Variants in AKAP10 observed in about 807,000 individuals in gnomAD.
The protein encoded by AKAP10 is A-kinase anchor protein 10, mitochondrial.
AKAP10 carries 24 observed loss-of-function variants against 80.8 expected under a neutral mutation model. That is an observed-to-expected ratio of 0.30 (90% CI 0.22 to 0.42). The LOEUF (loss-of-function observed/expected upper bound fraction) is 0.42, where lower values mean the gene tolerates loss of function less well. Ranked by LOEUF, AKAP10 falls within the 10% of genes least tolerant of loss-of-function variation. The probability of loss-of-function intolerance (pLI) is 1.00; values close to 1 mark genes in which losing one functional copy is unlikely to be tolerated. For missense variants in AKAP10, 661 were observed against 794.9 expected, an observed-to-expected ratio of 0.83 and a Z score of 2.03; for synonymous variants, 291 against 277.7, an observed-to-expected ratio of 1.05 and a Z score of -0.48.
intron 3 of AKAP10, among the ~76,000 whole-genome samples, chr17:19,962,398 T>G (rs1400631383): frequency 6.6e-6 from 1 of 152,114 alleles, no homozygotes; most frequent in Non-Finnish European, 1.5e-5. Context: ...GACATGCATA[T>G]TTTATACTGA....
intron 14 of AKAP10, among the ~76,000 whole-genome samples, chr17:19,907,016 T>C (rs1295911486): frequency 6.9e-6 from 1 of 144,094 alleles, no homozygotes; most frequent in Non-Finnish European, 1.5e-5. Flanking sequence ...AGTCTACTGT[T>C]TTTTTTTGTT....
At chr17:19,907,410 C>CTTTTTTTTTTTTTTTTTTTTTTT (rs59027197) in intron 14 of AKAP10, among the ~76,000 whole-genome samples, 3 of 136,412 alleles carry the variant, frequency 2.2e-5, no homozygotes, top group African/African-American at 2.7e-5. Flanking sequence ...TTTTCTTTAA[C>CTTTTTTTTTTTTTTTTTTTTTTT]TTTTTTTTTT....
At chr17:19,936,223 A>G (rs1249790987) in intron 9 of AKAP10, 63 bp downstream of exon 9, 4 of 1,540,400 alleles carry the variant, frequency 2.6e-6, no homozygotes, top group Admixed American at 3.9e-5. Context: ...TTCCCACCTT[A>G]TATTTTATGA....
intron 11 of AKAP10, among the ~76,000 whole-genome samples, chr17:19,920,959 C>CT (rs57112968): frequency 1.8e-3 from 245 of 133,296 alleles, no homozygotes; most frequent in East Asian, 2.7e-3. Context: ...CATAGAGAAT[C>CT]TTTTTTTTTT....
intron 4 of AKAP10, among the ~76,000 whole-genome samples, chr17:19,954,040 A>G (rs1597517996): frequency 6.6e-6 from 1 of 152,164 alleles, no homozygotes; most frequent in Non-Finnish European, 1.5e-5. Flanking sequence ...CTCACACACA[A>G]AAAACAAAAC....
intron 4 of AKAP10, among the ~76,000 whole-genome samples, chr17:19,951,023 C>T (rs1445891303): frequency 6.6e-6 from 1 of 151,088 alleles, no homozygotes; most frequent in Admixed American, 6.6e-5. Flanking sequence ...AGGTGAGGAG[C>T]GTCTCTGCCC....
chr17:19,909,334 A>G (rs1439305231), intron 13 of AKAP10, 58 bp from the exon 14 acceptor site: 1 of 1,423,376 alleles, frequency 7.0e-7, no homozygotes, highest in Non-Finnish European at 9.8e-7. Context: ...ATCGAGATGC[A>G]CATACTCAGT....
intron 10 of AKAP10, among the ~76,000 whole-genome samples, chr17:19,925,811 A>G (rs76731851): frequency 0.048 from 7,274 of 152,260 alleles, 234 homozygotes; most frequent in Non-Finnish European, 0.073. Context: ...TAAAGAGGGA[A>G]TATTTCCCAA....
chr17:19,973,480 T>A (rs995950784), intron 1 of AKAP10, among the ~76,000 whole-genome samples: 1 of 152,240 alleles, frequency 6.6e-6, no homozygotes, highest in Non-Finnish European at 1.5e-5. Flanking sequence ...AGATGATGGA[T>A]AACTAGCATC....
intron 14 of AKAP10, 31 bp downstream of exon 14, chr17:19,909,150 T>A: frequency 6.4e-7 from 1 of 1,553,552 alleles, no homozygotes; most frequent in Non-Finnish European, 8.7e-7. Context: ...AATAATACTT[T>A]TTAGTTTACA....
intron 4 of AKAP10, among the ~76,000 whole-genome samples, chr17:19,951,736 T>C (rs2043216688): frequency 6.6e-6 from 1 of 151,964 alleles, no homozygotes; most frequent in African/African-American, 2.4e-5. Flanking sequence ...TAATCTCAAG[T>C]ACCCAGGGAC....
At chr17:19,910,342 A>G (rs964268307) in intron 12 of AKAP10, among the ~76,000 whole-genome samples, 1 of 149,660 alleles carries the variant, frequency 6.7e-6, no homozygotes, top group Non-Finnish European at 1.5e-5. Context: ...AAAAAAAAAA[A>G]CCACTATCAC....
chr17:19,916,972 C>A (rs115350847), intron 12 of AKAP10, among the ~76,000 whole-genome samples: 21 of 98,606 alleles, frequency 2.1e-4, no homozygotes, highest in African/African-American at 7.6e-4. Context: ...ATAACAACAA[C>A]AAAAAAACCA....
In AKAP10 at chr17:19,906,105, G is replaced by C; in HGVS notation, c.*122C>G. On this transcript the variant is annotated 3_prime_UTR_variant, in exon 15 of 15. Coordinates refer to ENST00000225737, the MANE Select transcript of AKAP10 (RefSeq NM_007202.4). ...TAGGATTGTCTCCCATTCTCTCCTG[G>C]AAACAACAGTGACAGATCAGAAATA... 8.9e-7 allele frequency: 1 copy of C among 1,120,418 alleles called. No homozygotes were observed. The highest frequency in any genetic ancestry group is 1.3e-6 in the Non-Finnish European group (1 of 772,432). The allele number at this position is 1,120,418 out of a possible 1,614,324, so 69.4% of individuals were successfully genotyped here. A position where few individuals can be genotyped will look rare whatever the true frequency, so the allele number is the denominator to read the frequency against.
chr17:19,920,828 C>A (rs1429063362), intron 11 of AKAP10, among the ~76,000 whole-genome samples: 2 of 127,362 alleles, frequency 1.6e-5, no homozygotes, highest in African/African-American at 6.3e-5. Flanking sequence ...TGCACTCCAG[C>A]CTGGGCAACA....
At chr17:19,936,780 A>C (rs2042997520) in intron 8 of AKAP10, among the ~76,000 whole-genome samples, 1 of 152,238 alleles carries the variant, frequency 6.6e-6, no homozygotes, top group Non-Finnish European at 1.5e-5. Context: ...GATAGATAGA[A>C]AGGAATTTAT....
intron 11 of AKAP10, among the ~76,000 whole-genome samples, chr17:19,920,874 A>G (rs1044945533): frequency 1.3e-5 from 2 of 149,198 alleles, no homozygotes; most frequent in African/African-American, 4.9e-5. Context: ...AAAAAAAAAA[A>G]AAAAAAAAAA....
intron 9 of AKAP10, among the ~76,000 whole-genome samples, chr17:19,935,797 C>A (rs1282005623): frequency 6.6e-6 from 1 of 152,056 alleles, no homozygotes; most frequent in Non-Finnish European, 1.5e-5. Context: ...ACAATGCCTC[C>A]TTCTGGAAAC....
At chr17:19,937,756 C>T (rs763613125) in intron 8 of AKAP10, among the ~76,000 whole-genome samples, 3 of 152,202 alleles carry the variant, frequency 2.0e-5, no homozygotes, top group Non-Finnish European at 2.9e-5. Context: ...TTAAGAACTG[C>T]ATTCCAGTCC....
Sources: gnomAD v4.1 joint callset for allele counts (sites outside exome capture counted in the v4.1 genomes callset) on GRCh38, gnomAD v4.1.1 for gene constraint, MANE v1.5 for transcripts, NCBI Gene and HGNC (gene_info 2026-07-23, HGNC 2026-07-21) for gene names.